PMM2: variants seen among roughly 807,000 people sequenced by gnomAD.
PMM2 encodes the protein phosphomannomutase 2.
Under a neutral mutation model 33.2 loss-of-function variants are expected in PMM2, and 35 were observed. The observed-to-expected ratio is 1.06, with a 90% CI of 0.81 to 1.40. The LOEUF (loss-of-function observed/expected upper bound fraction) is 1.40. Ranked by LOEUF, PMM2 falls within the 40% of genes most tolerant of loss-of-function variation. The pLI is 0.00. For missense variants in PMM2, 386 were observed against 306.0 expected (o/e 1.26, Z -1.95); for synonymous variants, 153 against 114.7 (o/e 1.33, Z -2.13).
chr16:8,810,873 A>G (rs1474484521), intron 4 of PMM2: 1 of 600,680 alleles, frequency 1.7e-6, no homozygotes, highest in Admixed American at 2.9e-5. Context: ...AATCTTTCAA[A>G]TCTAATCTCA....
chr16:8,822,483 C>T (rs2060743856), intron 7 of PMM2, among the ~76,000 whole-genome samples: 1 of 152,170 alleles, frequency 6.6e-6, no homozygotes, highest in Non-Finnish European at 1.5e-5. Context: ...CAAAGTTAAA[C>T]TATAAACTGA....
chr16:8,811,442 C>G (rs746801084), intron 5 of PMM2, among the ~76,000 whole-genome samples, 196 bp from the exon 6 acceptor site: 1 of 152,140 alleles, frequency 6.6e-6, no homozygotes, highest in Non-Finnish European at 1.5e-5. Flanking sequence ...ATCACTTGTG[C>G]CTGGGAGGTT....
chr16:8,816,054 TC>T (rs1390461843), intron 7 of PMM2, among the ~76,000 whole-genome samples: 2 of 151,972 alleles, frequency 1.3e-5, no homozygotes, highest in Non-Finnish European at 2.9e-5. Context: ...AAAAAAAGGC[TC>T]AACATCAGTG....
intron 7 of PMM2, chr16:8,832,632 A>C (rs2060817422): frequency 1.0e-6 from 1 of 985,272 alleles, no homozygotes; most frequent in Non-Finnish European, 1.2e-6. Context: ...GGCCGGCTGC[A>C]GGAGCCTCCT....
chr16:8,836,140 C>T (rs2060844651), intron 7 of PMM2, among the ~76,000 whole-genome samples: 1 of 148,276 alleles, frequency 6.7e-6, no homozygotes, highest in Non-Finnish European at 1.5e-5. Flanking sequence ...GAAACAGGCC[C>T]TTGAAAAGAA....
chr16:8,834,012 A>G (rs546111067), intron 7 of PMM2, among the ~76,000 whole-genome samples: 33 of 151,966 alleles, frequency 2.2e-4, no homozygotes, highest in African/African-American at 6.3e-4. Context: ...ATATGACTAG[A>G]CAGGAGATAG....
intron 7 of PMM2, chr16:8,832,138 C>G (rs1171071498): frequency 1.0e-6 from 1 of 985,428 alleles, no homozygotes; most frequent in Non-Finnish European, 1.2e-6. Context: ...GGTATGCAAG[C>G]TCGACACAGC....
At chr16:8,828,243 T>C (rs1008401727) in intron 7 of PMM2, among the ~76,000 whole-genome samples, 1 of 151,852 alleles carries the variant, frequency 6.6e-6, no homozygotes, top group Non-Finnish European at 1.5e-5. Flanking sequence ...TTACAAGATT[T>C]AGAATCTCCC....
At chr16:8,818,258 C>T (rs2060718956) in intron 7 of PMM2, among the ~76,000 whole-genome samples, 1 of 152,234 alleles carries the variant, frequency 6.6e-6, no homozygotes, top group African/African-American at 2.4e-5. Flanking sequence ...AGTTACTCAC[C>T]TCCCTTGCAG....
At chr16:8,824,315 C>T (rs930775780) in intron 7 of PMM2, among the ~76,000 whole-genome samples, 11 of 152,196 alleles carry the variant, frequency 7.2e-5, no homozygotes, top group Admixed American at 5.2e-4. Flanking sequence ...AGTACTATAT[C>T]TGATTATAAA....
At chr16:8,828,942 C>G (rs890239139) in intron 7 of PMM2, among the ~76,000 whole-genome samples, 1 of 152,204 alleles carries the variant, frequency 6.6e-6, no homozygotes, top group Non-Finnish European at 1.5e-5. Flanking sequence ...TGTGATTCAT[C>G]TGAGGCATGT....
At chr16:8,804,946 G>C in intron 3 of PMM2, 103 bp downstream of exon 3, 1 of 752,744 alleles carries the variant, frequency 1.3e-6, no homozygotes, top group Non-Finnish European at 2.4e-6. Context: ...GGGTAGAAAT[G>C]AATCTTTACT....
At chr16:8,827,553 G>T (rs963584184) in intron 7 of PMM2, among the ~76,000 whole-genome samples, 1 of 148,842 alleles carries the variant, frequency 6.7e-6, no homozygotes, top group African/African-American at 2.5e-5. Context: ...ACGCCACCAG[G>T]CCTGGCTAAT....
At position 8,806,366 on chromosome 16, in the gene PMM2, C is replaced by T. The variant is rs184769421; in HGVS notation, c.306C>T (p.Tyr102=). The change falls in exon 4 of 8, where the codon TAC becomes TAT. Residue 102 remains tyrosine, a synonymous_variant. Coordinates refer to ENST00000268261, the MANE Select transcript of PMM2 (RefSeq NM_000303.3). ...CCCTAATCCAAGATTTAATCAACTACTGTCTGAGCTACATTGCGAAAATTA... is the reference window on the plus strand; with the variant it reads ...CCCTAATCCAAGATTTAATCAACTATTGTCTGAGCTACATTGCGAAAATTA... The part of the protein sequence containing the change: ...GEALIQDLIN[Y]CLSYIAKIKL... 1.9e-5 allele frequency: 31 copies of T among 1,613,468 alleles called. No homozygotes were observed. Among genetic ancestry groups the T allele is most frequent in the Non-Finnish European group, 1.5e-5 (18 of 1,179,372 alleles).
Position 8,848,746 on chromosome 16 carries a change from G to A in PMM2, c.*921G>A, listed in dbSNP as rs552453303. 2.6e-5 allele frequency: 4 copies of A among 152,364 alleles called. No individual in the cohort carries two copies. The highest frequency in any genetic ancestry group is 3.9e-4 in the East Asian group (2 of 5,182). 9.4% of individuals were successfully genotyped at this position (152,364 alleles called of 1,614,324 possible). On this transcript the variant is annotated 3_prime_UTR_variant, in exon 8 of 8. Coordinates refer to ENST00000268261, the MANE Select transcript of PMM2 (RefSeq NM_000303.3). ...GCCTCTAGTTTCTCAGGGATGGAGC[G>A]AGAGCCCAGCCAGAGAACAGTAAGA...
At chr16:8,832,682 C>A (rs992218118) in intron 7 of PMM2, 7 of 985,474 alleles carry the variant, frequency 7.1e-6, no homozygotes, top group South Asian at 9.4e-5. Context: ...CGCACCCGTT[C>A]TCCAGAAAGA....
chr16:8,845,795 C>CTTTTT (rs5815503), intron 7 of PMM2, among the ~76,000 whole-genome samples: 1 of 140,020 alleles, frequency 7.1e-6, no homozygotes, highest in Non-Finnish European at 1.5e-5. Flanking sequence ...TGAAAGAAAT[C>CTTTTT]TTTTTTTTTT....
intron 4 of PMM2, chr16:8,809,691 A>G (rs1169346296): frequency 6.6e-6 from 1 of 152,028 alleles, no homozygotes; most frequent in African/African-American, 2.4e-5. Context: ...ACCTCAAGGA[A>G]TCCGCCCGCC....
At chr16:8,846,574 C>G (rs968683531) in intron 7 of PMM2, among the ~76,000 whole-genome samples, 24 of 152,062 alleles carry the variant, frequency 1.6e-4, no homozygotes, top group African/African-American at 5.3e-4. Context: ...TGGGAGCACT[C>G]AACTCAGGCA....
Sources: allele counts gnomAD v4.1 joint callset (sites outside exome capture counted in the v4.1 genomes callset), GRCh38; gene constraint gnomAD v4.1.1; transcripts MANE v1.5; gene names NCBI Gene and HGNC (gene_info 2026-07-23, HGNC 2026-07-21).